Variants in OCIAD2 observed in about 807,000 individuals in gnomAD.
The protein encoded by OCIAD2 is OCIA domain containing 2.
A neutral mutation model predicts 22.9 loss-of-function variants in OCIAD2; 29 were observed. The ratio of observed to expected loss-of-function variants is 1.27; its 90% CI spans 0.94 to 1.73. The LOEUF (loss-of-function observed/expected upper bound fraction) is 1.73. Among genes scored for constraint, OCIAD2 ranks in the 40% most tolerant of loss-of-function variants. OCIAD2 has a pLI of 0.00. For synonymous variants in OCIAD2, 67 were observed against 60.2 expected, an observed-to-expected ratio of 1.11 and a Z score of -0.52; for missense variants, 189 against 180.3, an observed-to-expected ratio of 1.05 and a Z score of -0.28.
At position 48,888,958 on chromosome 4, in the gene OCIAD2, G is replaced by A. The variant is rs568922143; in HGVS notation, c.384-3393C>T. On this transcript the variant is annotated intron_variant, in intron 6 of 6. Coordinates refer to ENST00000508632, the MANE Select transcript of OCIAD2 (RefSeq NM_001014446.3). ...TCTGGTAGAATTTGGCTGTGAATCCGTCTGGTCCTGGACTTTTTTTGGTTG... is the reference window on the plus strand; with the variant it reads ...TCTGGTAGAATTTGGCTGTGAATCCATCTGGTCCTGGACTTTTTTTGGTTG... Among the ~76,000 whole-genome samples the A allele has an allele frequency of 1.8e-4, 28 of 152,222 alleles. 3 individuals are homozygous for A. Among genetic ancestry groups the A allele is most frequent in the African/African-American group, 4.1e-4 (17 of 41,558 alleles).
intron 6 of OCIAD2, among the ~76,000 whole-genome samples, chr4:48,887,868 T>C (rs575238414): frequency 6.6e-6 from 1 of 152,332 alleles, no homozygotes; most frequent in South Asian, 2.1e-4. Context: ...TTTCCAATTC[T>C]GTGAAGAAAG....
chr4:48,904,676 C>G (rs1374602452), intron 1 of OCIAD2, 65 bp from the exon 2 acceptor site: 7 of 871,094 alleles, frequency 8.0e-6, no homozygotes, highest in Non-Finnish European at 1.3e-5. Flanking sequence ...TAAAAGCATC[C>G]TGAGGATCCA....
chr4:48,889,373 C>T (rs1388986774), intron 6 of OCIAD2, among the ~76,000 whole-genome samples: 3 of 152,036 alleles, frequency 2.0e-5, no homozygotes, highest in Admixed American at 2.0e-4. Flanking sequence ...TGACAAAGGG[C>T]TAATATCCAG....
At chr4:48,891,780 A>G (rs2109670547) in intron 6 of OCIAD2, among the ~76,000 whole-genome samples, 1 of 152,300 alleles carries the variant, frequency 6.6e-6, no homozygotes, top group Non-Finnish European at 1.5e-5. Flanking sequence ...TTGTCTGTAA[A>G]TATGGAATTA....
At chr4:48,893,347 C>T (rs575974492) in intron 5 of OCIAD2, 2 of 152,590 alleles carry the variant, frequency 1.3e-5, no homozygotes, top group South Asian at 2.1e-4. Flanking sequence ...GAAGAGATCT[C>T]GAATCTGTTC....
At chr4:48,898,643 C>A (rs1324900893) in intron 3 of OCIAD2, among the ~76,000 whole-genome samples, 5 of 152,136 alleles carry the variant, frequency 3.3e-5, no homozygotes, top group Non-Finnish European at 7.4e-5. Flanking sequence ...AGGACAGTTC[C>A]TTGCCTTTCT....
At chr4:48,901,156 A>G (rs1000517012) in intron 2 of OCIAD2, among the ~76,000 whole-genome samples, 2 of 151,744 alleles carry the variant, frequency 1.3e-5, no homozygotes, top group African/African-American at 4.8e-5. Flanking sequence ...TTTATTCTTC[A>G]AATATTCTCA....
In OCIAD2 at chr4:48,894,218, C is replaced by T. The variant is rs187544874; in HGVS notation, c.218-165G>A. Among the ~76,000 whole-genome samples, 31 of 152,066 alleles carry T rather than the reference C, an allele frequency of 2.0e-4. 1 individual carries two copies. The highest frequency in any genetic ancestry group is 7.0e-4 in the African/African-American group (29 of 41,482). ...CTTTAAAAAGATGATCTTGGCTGGG[C>T]GCAGTCACTTACGCCTGTAATCCAG... On this transcript the variant is annotated intron_variant, in intron 4 of 6. Coordinates refer to ENST00000508632, the MANE Select transcript of OCIAD2 (RefSeq NM_001014446.3).
intron 4 of OCIAD2, among the ~76,000 whole-genome samples, chr4:48,897,503 A>G (rs1459481651): frequency 6.6e-6 from 1 of 152,124 alleles, no homozygotes; most frequent in Non-Finnish European, 1.5e-5. Flanking sequence ...GGACCCTTTC[A>G]ATTACACTGG....
At chr4:48,902,480 G>A (rs770299958) in intron 2 of OCIAD2, among the ~76,000 whole-genome samples, 5 of 152,232 alleles carry the variant, frequency 3.3e-5, no homozygotes, top group Non-Finnish European at 5.9e-5. Context: ...CAAAGATGCA[G>A]TAAGTCCCAG....
rs544781918 is a variant in OCIAD2 at position 48,886,803 on chromosome 4, G to C, written c.384-1238C>G. Reference sequence around the variant, plus strand: ...GTGAATAGTGCCACAATAAACATACGTGTGCATGTGTCTTTATAGCAGCAG... The same window carrying C: ...GTGAATAGTGCCACAATAAACATACCTGTGCATGTGTCTTTATAGCAGCAG... On this transcript the variant is annotated intron_variant, in intron 6 of 6. Transcript: ENST00000508632. 9.7e-4 allele frequency among the ~76,000 whole-genome samples: 147 copies of C among 152,084 alleles called. 3 individuals are homozygous for C. The East Asian group carries it at 0.021, about 22-fold the overall frequency.
At chr4:48,903,539 A>G (rs992423974) in intron 2 of OCIAD2, among the ~76,000 whole-genome samples, 2 of 152,180 alleles carry the variant, frequency 1.3e-5, no homozygotes, top group African/African-American at 4.8e-5. Context: ...GAGTCTATTA[A>G]GAGTTTTGCT....
At chr4:48,900,643 T>A (rs1202769857) in intron 2 of OCIAD2, among the ~76,000 whole-genome samples, 1 of 151,714 alleles carries the variant, frequency 6.6e-6, no homozygotes, top group Non-Finnish European at 1.5e-5. Flanking sequence ...GCAGTGTTTT[T>A]TTTTTTTTTG....
intron 2 of OCIAD2, among the ~76,000 whole-genome samples, chr4:48,901,150 T>G (rs1359193674): frequency 6.6e-6 from 1 of 152,128 alleles, no homozygotes; most frequent in Non-Finnish European, 1.5e-5. Flanking sequence ...ATATATTTTA[T>G]TCTTCAAATA....
At chr4:48,901,951 G>T (rs1034252976) in intron 2 of OCIAD2, among the ~76,000 whole-genome samples, 3 of 151,998 alleles carry the variant, frequency 2.0e-5, no homozygotes, top group Admixed American at 6.6e-5. Context: ...GGAGGCGTGG[G>T]GGGGGCGTTC....
intron 6 of OCIAD2, among the ~76,000 whole-genome samples, chr4:48,891,949 C>G (rs539682102): frequency 5.3e-5 from 8 of 152,194 alleles, no homozygotes; most frequent in Non-Finnish European, 1.2e-4. Context: ...CAGAAAGAGA[C>G]AGTATTAAGG....
chr4:48,904,895 C>T (rs935483682), intron 1 of OCIAD2, among the ~76,000 whole-genome samples: 12 of 152,064 alleles, frequency 7.9e-5, no homozygotes, highest in African/African-American at 1.7e-4. Context: ...ACAAGATCAC[C>T]GCTGTGAAGG....
At chr4:48,901,005 C>T (rs1186506498) in intron 2 of OCIAD2, among the ~76,000 whole-genome samples, 2 of 152,134 alleles carry the variant, frequency 1.3e-5, no homozygotes, top group Non-Finnish European at 2.9e-5. Flanking sequence ...CTCTTGTCCA[C>T]ATTCTCCACT....
Position 48,892,774 on chromosome 4 carries a change from G to C in OCIAD2, c.381C>G (p.Asn127Lys), listed in dbSNP as rs773172244. Reference protein sequence around the residue: ...LRGAGFGPQHNRHCLLTCEEC... With the variant: ...LRGAGFGPQHKRHCLLTCEEC... ...CCTCAACCAAACAGATTACAAACCT[G>C]TTATGCTGTGGACCAAAACCAGCCC... Residue 127 changes from asparagine to lysine, a missense_variant and splice_region_variant, in exon 6 of 7, where the codon AAC (asparagine) becomes AAG (lysine). By Grantham distance (94) the Asn-to-Lys change is moderately conservative (BLOSUM62 0). Transcript: ENST00000508632. 1 of 1,531,016 alleles carries C rather than the reference G, an allele frequency of 6.5e-7. No homozygotes were observed. The highest frequency in any genetic ancestry group is 9.0e-7 in the Non-Finnish European group (1 of 1,108,450). 94.8% of individuals were successfully genotyped at this position (1,531,016 alleles called of 1,614,324 possible).
Sources: gnomAD v4.1 joint callset for allele counts (sites outside exome capture counted in the v4.1 genomes callset) on GRCh38, gnomAD v4.1.1 for gene constraint, MANE v1.5 for transcripts, NCBI Gene and HGNC (gene_info 2026-07-23, HGNC 2026-07-21) for gene names.